The following DISC1 variants were observed in gnomAD, a reference collection of about 807,000 sequenced individuals.
DISC1 encodes the protein DISC1 scaffold protein, also known as disrupted in schizophrenia 1 protein.
A neutral mutation model predicts 84.5 loss-of-function variants in DISC1; 57 were observed. The ratio of observed to expected loss-of-function variants is 0.67; its 90% confidence interval spans 0.55 to 0.84. The LOEUF (loss-of-function observed/expected upper bound fraction) is 0.84, where lower values mean the gene tolerates loss of function less well. DISC1 is among the 40% of genes least tolerant of loss of function. DISC1 has a pLI of 0.00. For missense variants in DISC1, 1,000 were observed against 1,057.8 expected (o/e 0.95, Z 0.76); for synonymous variants, 411 against 415.2 (o/e 0.99, Z 0.12).
In DISC1 at chr1:232,021,333, T is replaced by C. The variant is rs949425850; in HGVS notation, c.2308-5102T>C. ...GGAAATTTTTACTGTACTTGTTCTATACACACACACACACACACACACACA... is the reference window on the plus strand; with the variant it reads ...GGAAATTTTTACTGTACTTGTTCTACACACACACACACACACACACACACA... On this transcript the variant is annotated intron_variant, in intron 11 of 12. Coordinates refer to ENST00000439617, the MANE Select transcript of DISC1 (RefSeq NM_018662.3). Among the ~76,000 whole-genome samples the C allele has an allele frequency of 5.5e-4, 81 of 148,240 alleles. 2 individuals are homozygous for C. In the East Asian group the frequency reaches 0.013, roughly 23 times the overall value.
chr1:232,024,706 C>T (rs1669287623), intron 11 of DISC1, among the ~76,000 whole-genome samples: 1 of 152,048 alleles, frequency 6.6e-6, no homozygotes, highest in Non-Finnish European at 1.5e-5. Context: ...GATTCTTCTG[C>T]CTCAGCCTCC....
At chr1:231,932,469 T>C (rs916477423) in intron 9 of DISC1, among the ~76,000 whole-genome samples, 2 of 152,184 alleles carry the variant, frequency 1.3e-5, no homozygotes, top group African/African-American at 4.8e-5. Flanking sequence ...ACCTAACACA[T>C]AGGGATTATT....
At chr1:231,706,790 T>G (rs1161219311) in intron 3 of DISC1, among the ~76,000 whole-genome samples, 1 of 152,064 alleles carries the variant, frequency 6.6e-6, no homozygotes, top group African/African-American at 2.4e-5. Flanking sequence ...CTAGGGTGAG[T>G]CTTTTGTCTA....
intron 10 of DISC1, among the ~76,000 whole-genome samples, chr1:231,984,381 C>A (rs1222173399): frequency 6.6e-6 from 1 of 152,078 alleles, no homozygotes; most frequent in African/African-American, 2.4e-5. Context: ...GGATTTCAGG[C>A]TTCTTCAGCT....
chr1:231,807,748 G>C (rs1417560100), intron 8 of DISC1, among the ~76,000 whole-genome samples: 1 of 152,156 alleles, frequency 6.6e-6, no homozygotes, highest in African/African-American at 2.4e-5. Flanking sequence ...GTGTTGGCAG[G>C]CTTCTCACTC....
At chr1:232,022,620 T>A (rs1669068084) in intron 11 of DISC1, among the ~76,000 whole-genome samples, 1 of 152,184 alleles carries the variant, frequency 6.6e-6, no homozygotes, top group African/African-American at 2.4e-5. Flanking sequence ...CCCATGGTTC[T>A]GATCCCACCC....
rs563796649 is a variant in DISC1 at position 231,646,978 on chromosome 1, G to C, written c.67+20044G>C. On this transcript the variant is annotated intron_variant, in intron 1 of 12. Transcript: ENST00000439617. ...CTGGATATTAGCCCTTTGTCAGATG[G>C]GTAGATTGCAAAAATTTTCTCCCAT... Among the ~76,000 whole-genome samples, 7 of 152,116 alleles carry C rather than the reference G, an allele frequency of 4.6e-5. No individual in the cohort carries two copies. In the South Asian group the frequency reaches 1.5e-3, roughly 32 times the overall value.
rs1202991204 is a variant in DISC1 at position 231,735,988 on chromosome 1, A to G, written c.1118-13938A>G. On this transcript the variant is annotated intron_variant, in intron 3 of 12. Transcript: ENST00000439617. ...TCACTGCACTTGGCTACTTATTTGT[A>G]TTTTTTGTAGAAATGGGGTTTTGCT... is the stretch of plus-strand genomic sequence containing the variant. Among the ~76,000 whole-genome samples, 4 of 151,986 alleles carry G rather than the reference A, an allele frequency of 2.6e-5. No homozygotes were observed. The East Asian group carries it at 7.7e-4, about 29-fold the overall frequency.
At chr1:231,774,415 G>A (rs998467555) in intron 6 of DISC1, among the ~76,000 whole-genome samples, 2 of 152,182 alleles carry the variant, frequency 1.3e-5, no homozygotes, top group African/African-American at 4.8e-5. Context: ...CTGCAGCATG[G>A]AACACTCATG....
intron 9 of DISC1, among the ~76,000 whole-genome samples, chr1:231,934,782 T>C (rs2126115395): frequency 6.6e-6 from 1 of 152,352 alleles, no homozygotes; most frequent in East Asian, 1.9e-4. Flanking sequence ...CTTCCATTTC[T>C]GAAGAGATAA....
At chr1:231,929,864 T>C (rs1248398256) in intron 9 of DISC1, among the ~76,000 whole-genome samples, 4 of 152,328 alleles carry the variant, frequency 2.6e-5, no homozygotes, top group East Asian at 1.9e-4. Context: ...AGAGCTGTAC[T>C]TCTGATGTCC....
chr1:231,903,769 G>A lies in DISC1; in HGVS notation c.1982-55059G>A, dbSNP rs557363556. On this transcript the variant is annotated intron_variant, in intron 9 of 12. Coordinates refer to ENST00000439617, the MANE Select transcript of DISC1 (RefSeq NM_018662.3). Reference sequence around the variant, plus strand: ...GGAGAGAGGAGGGCTGGGAAAGTGAGAACAGCAAAGAAAAGGGCAACAGAT... The same window carrying A: ...GGAGAGAGGAGGGCTGGGAAAGTGAAAACAGCAAAGAAAAGGGCAACAGAT... Among the ~76,000 whole-genome samples, 4 of 152,348 alleles carry A rather than the reference G, an allele frequency of 2.6e-5. No homozygotes were observed. In the South Asian group the frequency reaches 8.3e-4, roughly 32 times the overall value.
intron 9 of DISC1, among the ~76,000 whole-genome samples, chr1:231,882,261 C>G (rs1358014180): frequency 6.6e-6 from 1 of 152,072 alleles, no homozygotes; most frequent in Non-Finnish European, 1.5e-5. Flanking sequence ...CTAAATATTC[C>G]CTGGAGCCAT....
chr1:231,681,396 CGTGT>C lies in DISC1; in HGVS notation c.68-12425_68-12422del, dbSNP rs1558316343. On this transcript the variant is annotated intron_variant, in intron 1 of 12. Coordinates refer to ENST00000439617, the MANE Select transcript of DISC1 (RefSeq NM_018662.3). Reference sequence around the variant, plus strand: ...ATGTGATCCGTGTTGGGCTCTCACTCGTGTGTGTTTGTGTGTGTGTGTGTGTGTG... The same window carrying C: ...ATGTGATCCGTGTTGGGCTCTCACTCGTGTTTGTGTGTGTGTGTGTGTGTG... 2.0e-5 allele frequency among the ~76,000 whole-genome samples: 3 copies of C among 150,234 alleles called. No individual in the cohort carries two copies. In the South Asian group the frequency reaches 6.3e-4, roughly 32 times the overall value.
At position 231,757,462 on chromosome 1, in the gene DISC1, G is replaced by T. The variant is rs192295286; in HGVS notation, c.1268+7386G>T. On this transcript the variant is annotated intron_variant, in intron 4 of 12. Transcript: ENST00000439617. ...TTCTTAAAAATCACAATTTAATTCA[G>T]CTTTTGAGAAACACTGTTTAATCCT... is the stretch of plus-strand genomic sequence containing the variant. 5.3e-4 allele frequency among the ~76,000 whole-genome samples: 81 copies of T among 152,220 alleles called. 2 individuals are homozygous for T. The highest frequency in any genetic ancestry group is 4.8e-3 in the Admixed American group (74 of 15,294).
At chr1:231,811,288 G>A (rs1466606776) in intron 8 of DISC1, among the ~76,000 whole-genome samples, 2 of 152,200 alleles carry the variant, frequency 1.3e-5, no homozygotes, top group African/African-American at 4.8e-5. Context: ...GGGGAGGGGA[G>A]CAGTTGGCTG....
At chr1:231,762,732 G>A (rs1428424921) in intron 4 of DISC1, among the ~76,000 whole-genome samples, 2 of 151,982 alleles carry the variant, frequency 1.3e-5, no homozygotes, top group Admixed American at 1.3e-4. Flanking sequence ...ATCCTGGGGA[G>A]ATCAACAGCA....
At chr1:231,815,363 A>G (rs1301619052) in intron 8 of DISC1, among the ~76,000 whole-genome samples, 1 of 152,126 alleles carries the variant, frequency 6.6e-6, no homozygotes, top group Non-Finnish European at 1.5e-5. Context: ...CTGTTCTGAT[A>G]TCTTCTACCA....
intron 1 of DISC1, among the ~76,000 whole-genome samples, chr1:231,666,860 T>A (rs532536811): frequency 1.6e-4 from 25 of 152,358 alleles, no homozygotes; most frequent in African/African-American, 5.8e-4. Context: ...AGGAAGCTGC[T>A]GAGGTGATTA....
Sources: allele counts gnomAD v4.1 joint callset (sites outside exome capture counted in the v4.1 genomes callset), GRCh38; gene constraint gnomAD v4.1.1; transcripts MANE v1.5; gene names NCBI Gene and HGNC (gene_info 2026-07-23, HGNC 2026-07-21).